The following ARHGEF3 variants were observed in gnomAD, a reference collection of about 807,000 sequenced individuals.
ARHGEF3 encodes Rho guanine nucleotide exchange factor 3.
In ARHGEF3, 28 loss-of-function variants were observed where a neutral mutation model predicts 63.2. That is an observed-to-expected ratio of 0.44 (90% CI 0.33 to 0.61). The LOEUF is 0.61. ARHGEF3 is among the 20% of genes least tolerant of loss of function. ARHGEF3 has a pLI of 0.03. For synonymous variants in ARHGEF3, 266 were observed against 254.2 expected, an observed-to-expected ratio of 1.05 and a Z score of -0.44; for missense variants, 533 against 659.3, an observed-to-expected ratio of 0.81 and a Z score of 2.10.
chr3:56,744,094 C>T (rs1051940839), intron 7 of ARHGEF3, among the ~76,000 whole-genome samples: 1 of 152,178 alleles, frequency 6.6e-6, no homozygotes, highest in Non-Finnish European at 1.5e-5. Flanking sequence ...AACCCACATC[C>T]TCTGTCTTCT....
chr3:57,059,578 A>C (rs573521702), intron 1 of ARHGEF3, among the ~76,000 whole-genome samples: 11 of 152,010 alleles, frequency 7.2e-5, no homozygotes, highest in Non-Finnish European at 1.2e-4. Context: ...GATAGGTTCA[A>C]ATCTGGCTCT....
intron 1 of ARHGEF3, among the ~76,000 whole-genome samples, chr3:57,062,267 C>T (rs567202666): frequency 5.9e-5 from 9 of 152,318 alleles, no homozygotes; most frequent in Non-Finnish European, 1.2e-4. Flanking sequence ...TGGGTGAGTG[C>T]CTTCAAGCAC....
At chr3:57,011,244 C>A (rs1702688082) in intron 2 of ARHGEF3, among the ~76,000 whole-genome samples, 1 of 152,184 alleles carries the variant, frequency 6.6e-6, no homozygotes, top group Admixed American at 6.5e-5. Flanking sequence ...CTGGAACTTA[C>A]AGGAACATGA....
chr3:56,780,831 A>G (rs1033041306), intron 1 of ARHGEF3, among the ~76,000 whole-genome samples: 1 of 152,250 alleles, frequency 6.6e-6, no homozygotes, highest in Non-Finnish European at 1.5e-5. Flanking sequence ...GTGGTACACC[A>G]TGTTGCTAAG....
intron 2 of ARHGEF3, among the ~76,000 whole-genome samples, chr3:56,759,458 C>T (rs2035295401): frequency 6.6e-6 from 1 of 151,256 alleles, no homozygotes; most frequent in South Asian, 2.1e-4. Flanking sequence ...CGTGAGCCTC[C>T]GCGCCTGGCC....
At chr3:56,926,099 A>G (rs1022837810) in intron 3 of ARHGEF3, among the ~76,000 whole-genome samples, 4 of 152,252 alleles carry the variant, frequency 2.6e-5, no homozygotes, top group Non-Finnish European at 4.4e-5. Context: ...GCCTCGAAGC[A>G]CTAGGCTGCA....
At chr3:57,073,692 C>T (rs1706059525) in intron 1 of ARHGEF3, 2 of 1,605,858 alleles carry the variant, frequency 1.2e-6, no homozygotes, top group South Asian at 2.2e-5. Context: ...TGACTTGGGC[C>T]CCATGTCCAG....
rs765818616 is a variant in ARHGEF3 at position 56,729,494 on chromosome 3, A to T, written c.1357T>A (p.Cys453Ser). The T allele has an allele frequency of 6.2e-7, 1 of 1,614,194 alleles. No individual in the cohort carries two copies. Among genetic ancestry groups the T allele is most frequent in the Non-Finnish European group, 8.5e-7 (1 of 1,180,024 alleles). ...AGCACCCCAGCTTGCCCGGCAGCACACAAAACTGTTTCTTTGGCTTGACGA... is the reference window on the plus strand; with the variant it reads ...AGCACCCCAGCTTGCCCGGCAGCACTCAAAACTGTTTCTTTGGCTTGACGA... ...CIRQAKETVL[C>S]AAGQAGVLDS... Residue 453 changes from cysteine (C) to serine (S), a missense_variant, in exon 10 of 10, where the codon TGT becomes AGT. Cys to Ser is a moderately radical substitution (Grantham distance 112, BLOSUM62 -1). Transcript: ENST00000296315.
Position 56,815,153 on chromosome 3 carries a change from TA to T in ARHGEF3, c.193-41338del, listed in dbSNP as rs766433521. Among the ~76,000 whole-genome samples the T allele has an allele frequency of 3.7e-3, 499 of 133,304 alleles. 1 individual carries two copies. The highest frequency in any genetic ancestry group is 6.1e-3 in the Admixed American group (81 of 13,344). 87.5% of individuals were successfully genotyped at this position (133,304 alleles called of 152,430 possible). A position where few individuals can be genotyped will look rare whatever the true frequency, so the allele number is the denominator to read the frequency against. The stretch of plus-strand genomic sequence containing the variant: ...AGCGAGACCCCACCTCTAAAAAAAT[TA>T]AAAAAAAAAAAAAAAGAAGACATGG... On this transcript the variant is annotated intron_variant, in intron 4 of 12. Coordinates refer to the ARHGEF3 transcript ENST00000338458.
intron 1 of ARHGEF3, chr3:57,074,296 T>C (rs1458874194): frequency 1.3e-6 from 2 of 1,580,888 alleles, no homozygotes; most frequent in Non-Finnish European, 1.7e-6. Flanking sequence ...CATCTGAGAG[T>C]CTGGCAGCTG....
chr3:57,032,670 G>T (rs1199835283), intron 2 of ARHGEF3, among the ~76,000 whole-genome samples: 1 of 152,210 alleles, frequency 6.6e-6, no homozygotes, highest in Non-Finnish European at 1.5e-5. Context: ...TCCACGCAGA[G>T]GCTGACATAG....
intron 1 of ARHGEF3, among the ~76,000 whole-genome samples, chr3:56,798,562 C>A (rs148954151): frequency 0.042 from 5,736 of 135,500 alleles, 125 homozygotes; most frequent in African/African-American, 0.058. Context: ...TTTTTTTAAG[C>A]CTTCTTTTTA....
At chr3:56,751,481 T>C in intron 4 of ARHGEF3, 85 bp from the exon 5 acceptor site, 1 of 1,110,656 alleles carries the variant, frequency 9.0e-7, no homozygotes, top group African/African-American at 1.6e-5. Flanking sequence ...TGAGAGGTCC[T>C]ATCCAATAAC....
At chr3:56,767,127 T>C (rs1427624290) in intron 2 of ARHGEF3, among the ~76,000 whole-genome samples, 1 of 147,676 alleles carries the variant, frequency 6.8e-6, no homozygotes, top group Non-Finnish European at 1.5e-5. Flanking sequence ...CTGGGCAACA[T>C]AGGGAGATTT....
chr3:56,833,238 T>A (rs1441105914), intron 4 of ARHGEF3, among the ~76,000 whole-genome samples: 1 of 152,178 alleles, frequency 6.6e-6, no homozygotes, highest in East Asian at 1.9e-4. Flanking sequence ...TTTCTCCACA[T>A]CCTCACCAAC....
chr3:57,021,650 G>A (rs965651931), intron 2 of ARHGEF3, among the ~76,000 whole-genome samples: 1 of 152,014 alleles, frequency 6.6e-6, no homozygotes, highest in Non-Finnish European at 1.5e-5. Flanking sequence ...CTACTTGGGA[G>A]GCTGAGGCAG....
intron 3 of ARHGEF3, among the ~76,000 whole-genome samples, chr3:56,900,496 T>G (rs1013789630): frequency 2.6e-5 from 4 of 151,956 alleles, no homozygotes; most frequent in Non-Finnish European, 5.9e-5. Flanking sequence ...CCAGGCATGG[T>G]GGCACGCACT....
intron 3 of ARHGEF3, among the ~76,000 whole-genome samples, chr3:56,915,175 C>T (rs118166221): frequency 6.6e-6 from 1 of 152,196 alleles, no homozygotes; most frequent in East Asian, 1.9e-4. Flanking sequence ...TTTGGCAGGC[C>T]AGGTGCAGTG....
At chr3:56,960,652 G>C (rs1176887041) in intron 2 of ARHGEF3, 1 of 152,132 alleles carries the variant, frequency 6.6e-6, no homozygotes, top group Admixed American at 6.6e-5. Flanking sequence ...AAAACTATGG[G>C]AACTCCCACC....
Sources: allele counts gnomAD v4.1 joint callset (sites outside exome capture counted in the v4.1 genomes callset), GRCh38; gene constraint gnomAD v4.1.1; transcripts MANE v1.5; gene names NCBI Gene and HGNC (gene_info 2026-07-23, HGNC 2026-07-21).